PALM2AKAP2: variants seen among roughly 807,000 people sequenced by gnomAD.
PALM2AKAP2 encodes the protein PALM2-AKAP2 fusion protein.
A neutral mutation model predicts 71.5 loss-of-function variants in PALM2AKAP2; 37 were observed. The observed-to-expected ratio is 0.52, with a 90% CI of 0.40 to 0.68. The LOEUF (loss-of-function observed/expected upper bound fraction) is 0.68. Ranked by LOEUF, PALM2AKAP2 falls within the 30% of genes least tolerant of loss-of-function variation. The pLI, the probability that PALM2AKAP2 is intolerant of heterozygous loss-of-function variation, is 0.00. For missense variants in PALM2AKAP2, 1,224 were observed against 1,191.8 expected (o/e 1.03, Z -0.40); for synonymous variants, 468 against 478.8 (o/e 0.98, Z 0.29).
chr9:109,807,367 A>G (rs1293496440), intron 1 of PALM2AKAP2, among the ~76,000 whole-genome samples: 1 of 152,202 alleles, frequency 6.6e-6, no homozygotes, highest in Non-Finnish European at 1.5e-5. Flanking sequence ...GTGCTGCTGT[A>G]ACAAAATGCC....
rs11788941 is a variant in PALM2AKAP2, at chr9:109,643,779, A to G, written c.5+2913A>G. Among the ~76,000 whole-genome samples the G allele has an allele frequency of 7.7e-3, 1,176 of 152,216 alleles. 12 individuals are homozygous for G. The highest frequency in any genetic ancestry group is 0.051 in the Middle Eastern group (15 of 294). ...CCTACTTCGTTTGCTTCCTTAATGT[A>G]TTAGGCTGTTCCTGCATTGTTATAA... is the stretch of plus-strand genomic sequence containing the variant. On this transcript the variant is annotated intron_variant, in intron 1 of 6. Transcript: ENST00000374531.
chr9:109,651,940 TG>T lies in PALM2AKAP2; in HGVS notation c.5+11075del, dbSNP rs1388772550. Among the ~76,000 whole-genome samples the T allele has an allele frequency of 2.0e-5, 3 of 152,330 alleles. No individual in the cohort carries two copies. In the South Asian group the frequency reaches 6.2e-4, roughly 32 times the overall value. ...ACATTCCTGGTCGAAATTCTGTTTTTGTAAATAGGTCTTTATAGTATTTGAT... is the reference window on the plus strand; with the variant it reads ...ACATTCCTGGTCGAAATTCTGTTTTTTAAATAGGTCTTTATAGTATTTGAT... On this transcript the variant is annotated intron_variant, in intron 1 of 6. Coordinates refer to the PALM2AKAP2 transcript ENST00000374531.
chr9:109,665,189 A>C (rs1827462255), intron 1 of PALM2AKAP2, among the ~76,000 whole-genome samples: 1 of 152,002 alleles, frequency 6.6e-6, no homozygotes, highest in East Asian at 1.9e-4. Flanking sequence ...CCTTCTGTCA[A>C]CTCGTCAAAG....
intron 1 of PALM2AKAP2, among the ~76,000 whole-genome samples, chr9:109,719,959 GCTA>G (rs1828381146): frequency 6.6e-6 from 1 of 152,002 alleles, no homozygotes; most frequent in Admixed American, 6.6e-5. Context: ...AAACATGATA[GCTA>G]CTAAAGATAA....
intron 3 of PALM2AKAP2, among the ~76,000 whole-genome samples, chr9:109,912,191 T>C (rs1673212301): frequency 6.6e-6 from 1 of 151,526 alleles, no homozygotes; most frequent in Admixed American, 6.6e-5. Context: ...AGAAGTTTGA[T>C]GGGGTTTGGG....
chr9:109,689,095 TAAG>T (rs1487984762), intron 1 of PALM2AKAP2, among the ~76,000 whole-genome samples: 1 of 152,146 alleles, frequency 6.6e-6, no homozygotes, highest in Admixed American at 6.5e-5. Context: ...CTAGTGGTAA[TAAG>T]AAGAACTAAG....
At chr9:110,012,235 G>A (rs536109148) in intron 6 of PALM2AKAP2, among the ~76,000 whole-genome samples, 1 of 152,268 alleles carries the variant, frequency 6.6e-6, no homozygotes, top group African/African-American at 2.4e-5. Flanking sequence ...GGAGGTTTCA[G>A]TGAGCCGAGA....
intron 5 of PALM2AKAP2, among the ~76,000 whole-genome samples, chr9:109,927,035 C>T (rs1355889268): frequency 6.6e-6 from 1 of 152,094 alleles, no homozygotes; most frequent in African/African-American, 2.4e-5. Flanking sequence ...GATGGGGGAG[C>T]TCAGGCTTAA....
chr9:109,858,017 C>G (rs1159540560), intron 1 of PALM2AKAP2, among the ~76,000 whole-genome samples: 3 of 152,198 alleles, frequency 2.0e-5, no homozygotes, highest in Admixed American at 2.0e-4. Context: ...AAACTTCGTG[C>G]TAGGTAGAAA....
At chr9:109,677,718 G>C (rs10979995) in intron 1 of PALM2AKAP2, among the ~76,000 whole-genome samples, 17,245 of 151,430 alleles carry the variant, frequency 0.11, 1,269 homozygotes, top group Non-Finnish European at 0.16. Flanking sequence ...GGGTTGACTT[G>C]GTCCTGCATT....
At chr9:110,167,074 T>C (rs959393490) in intron 3 of PALM2AKAP2, among the ~76,000 whole-genome samples, 2 of 152,168 alleles carry the variant, frequency 1.3e-5, no homozygotes, top group African/African-American at 4.8e-5. Context: ...CTGCCCTTTA[T>C]AAAACCATCA....
rs536187571 is a variant in PALM2AKAP2, at chr9:109,848,576, A to G, written c.46-18915A>G. The stretch of plus-strand genomic sequence containing the variant: ...AGTAGTCAGTTCTTGGTGCTCTCTA[A>G]TAGGGCTCTGAATTGCAGCCTGGGC... On this transcript the variant is annotated intron_variant, in intron 1 of 9. Transcript: ENST00000302798. Among the ~76,000 whole-genome samples, 103 of 152,226 alleles carry G rather than the reference A, an allele frequency of 6.8e-4. 1 individual carries two copies. The highest frequency in any genetic ancestry group is 1.2e-3 in the Non-Finnish European group (82 of 68,016).
chr9:109,865,316 C>T (rs1829421691), intron 1 of PALM2AKAP2, among the ~76,000 whole-genome samples: 1 of 152,056 alleles, frequency 6.6e-6, no homozygotes, highest in Admixed American at 6.6e-5. Flanking sequence ...CTAGGCTAGT[C>T]TCAAACTCGT....
intron 1 of PALM2AKAP2, among the ~76,000 whole-genome samples, chr9:110,072,404 C>T (rs1834225161): frequency 6.6e-6 from 1 of 152,148 alleles, no homozygotes; most frequent in African/African-American, 2.4e-5. Flanking sequence ...CTGCCTGCTA[C>T]TAAGCTTGGA....
intron 1 of PALM2AKAP2, among the ~76,000 whole-genome samples, chr9:109,729,302 T>G (rs937827368): frequency 2.6e-5 from 4 of 152,162 alleles, no homozygotes; most frequent in Non-Finnish European, 5.9e-5. Flanking sequence ...GGGTGCTGGG[T>G]ACTTAAAATG....
intron 1 of PALM2AKAP2, chr9:109,771,914 C>T (rs1379054347): frequency 6.6e-6 from 1 of 152,264 alleles, no homozygotes; most frequent in Non-Finnish European, 1.5e-5. Flanking sequence ...CCTCCCACCC[C>T]AGAGGCATTA....
intron 2 of PALM2AKAP2, among the ~76,000 whole-genome samples, chr9:109,875,285 C>T (rs897698218): frequency 4.6e-5 from 7 of 152,238 alleles, no homozygotes; most frequent in African/African-American, 1.7e-4. Context: ...ACCTTTCCCA[C>T]TTTAAATGTC....
chr9:109,696,464 C>T lies in PALM2AKAP2; in HGVS notation c.5+55598C>T, dbSNP rs550839862. On this transcript the variant is annotated intron_variant, in intron 1 of 6. Transcript: ENST00000374531. ...GTAGCATATGTTTTCAGCAAGGGTG[C>T]GAGGAGACAGAAACTCATATGTTTT... Among the ~76,000 whole-genome samples the T allele has an allele frequency of 7.2e-5, 11 of 152,238 alleles. No individual in the cohort carries two copies. In the South Asian group the frequency reaches 8.3e-4, roughly 11 times the overall value.
intron 1 of PALM2AKAP2, among the ~76,000 whole-genome samples, chr9:109,747,993 A>G (rs1377739362): frequency 6.6e-6 from 1 of 152,190 alleles, no homozygotes; most frequent in Non-Finnish European, 1.5e-5. Context: ...ATAATTTTAA[A>G]GATTACAAAT....
Sources: gnomAD v4.1 joint callset for allele counts (sites outside exome capture counted in the v4.1 genomes callset) on GRCh38, gnomAD v4.1.1 for gene constraint, MANE v1.5 for transcripts, NCBI Gene and HGNC (gene_info 2026-07-23, HGNC 2026-07-21) for gene names.